The following PRPF19 variants were observed in gnomAD, a reference collection of about 807,000 sequenced individuals.
PRPF19 encodes the protein pre-mRNA processing factor 19.
Under a neutral mutation model 64.2 loss-of-function variants are expected in PRPF19, and 2 were observed. That is an observed-to-expected ratio of 0.03 (90% confidence interval 0.01 to 0.10). The LOEUF is 0.10. PRPF19 is among the 10% of genes least tolerant of loss of function. The pLI, the probability that PRPF19 is intolerant of heterozygous loss-of-function variation, is 1.00. For missense variants in PRPF19, 314 were observed against 650.0 expected, an observed-to-expected ratio of 0.48 and a Z score of 5.62; for synonymous variants, 226 against 251.6, an observed-to-expected ratio of 0.90 and a Z score of 0.96.
At chr11:60,895,799 T>C (rs951994581) in intron 15 of PRPF19, among the ~76,000 whole-genome samples, 2 of 151,838 alleles carry the variant, frequency 1.3e-5, no homozygotes, top group Admixed American at 6.6e-5. Flanking sequence ...AGTTTCAATA[T>C]TGTTGTGTCT....
chr11:60,903,727 G>C lies in PRPF19; in HGVS notation c.154C>G (p.Leu52Val). The C allele has an allele frequency of 6.3e-7, 1 of 1,596,566 alleles. No individual in the cohort carries two copies. Residue 52 changes from leucine to valine, a missense_variant, in exon 2 of 16, where the codon CTC (leucine) becomes GTC (valine). By Grantham distance (32) the Leu-to-Val change is conservative. This residue lies in a region of PRPF19 where 66 missense variants were observed against 88.4 expected (regional missense o/e 0.75). Transcript: ENST00000227524. Reference sequence around the variant, plus strand: ...CAATAGGCACCTTTGATGTCGATGAGCTGCTCCTCGGAGAGAGGCTGGTTG... The same window carrying C: ...CAATAGGCACCTTTGATGTCGATGACCTGCTCCTCGGAGAGAGGCTGGTTG... ...INNQPLSEEQ[L>V]IDIKVAHPIR...
In PRPF19 at chr11:60,906,400, C is replaced by A. The variant is rs775112535; in HGVS notation, c.-18G>T. ...AGGGACATGGCGCCGTCACCGTGCTCCGAGGCGCCACACGCCGGGCTCCGG... is the reference window on the plus strand; with the variant it reads ...AGGGACATGGCGCCGTCACCGTGCTACGAGGCGCCACACGCCGGGCTCCGG... On this transcript the variant is annotated 5_prime_UTR_variant, in exon 1 of 16. Transcript: ENST00000227524. 6.4e-7 allele frequency: 1 copy of A among 1,571,994 alleles called. No individual in the cohort carries two copies. Among genetic ancestry groups the A allele is most frequent in the Non-Finnish European group, 8.6e-7 (1 of 1,161,514 alleles).
At chr11:60,891,309 T>C (rs754912835) in intron 15 of PRPF19, 46 bp from the exon 16 acceptor site, 2 of 1,416,634 alleles carry the variant, frequency 1.4e-6, no homozygotes, top group Non-Finnish European at 2.0e-6. Context: ...TTTTCCTCCT[T>C]TAGTCTGAAC....
Position 60,898,773 on chromosome 11 carries a change from T to C in PRPF19, c.1054+89A>G. The C allele has an allele frequency of 6.6e-7, 1 of 1,506,810 alleles. No homozygotes were observed. The highest frequency in any genetic ancestry group is 8.9e-7 in the Non-Finnish European group (1 of 1,119,506). The allele number at this position is 1,506,810 out of a possible 1,614,324, so 93.3% of individuals were successfully genotyped here. A position where few individuals can be genotyped will look rare whatever the true frequency, so the allele number is the denominator to read the frequency against. Reference sequence around the variant, plus strand: ...ACAGGTGCTCATGGTAAATATATCTTTAGAACAAATAAACAAATGACTAAA... The same window carrying C: ...ACAGGTGCTCATGGTAAATATATCTCTAGAACAAATAAACAAATGACTAAA... On this transcript the variant is annotated intron_variant, in intron 12 of 15. Transcript: ENST00000227524. This position sits in a 1 kb window ranked among gnomAD's most constrained non-coding sequence, Gnocchi z 4.6.
Position 60,906,564 on chromosome 11 carries a change from C to T in PRPF19, c.-182G>A. The stretch of plus-strand genomic sequence containing the variant: ...GAATGGGGACAGCCGCGCGCCACAG[C>T]CTTCAGCACCTAACGGAAATTGCCC... On this transcript the variant is annotated 5_prime_UTR_variant, in exon 1 of 16. Coordinates refer to ENST00000227524, the MANE Select transcript of PRPF19 (RefSeq NM_014502.5). 3.5e-6 allele frequency: 2 copies of T among 573,918 alleles called. No individual in the cohort carries two copies. Among genetic ancestry groups the T allele is most frequent in the South Asian group, 2.3e-5 (1 of 43,918 alleles). 35.6% of individuals were successfully genotyped at this position (573,918 alleles called of 1,614,324 possible). A position where few individuals can be genotyped will look rare whatever the true frequency, so the allele number is the denominator to read the frequency against.
In PRPF19 at chr11:60,906,424, G is replaced by A. The variant is rs756418601; in HGVS notation, c.-42C>T. 9.7e-6 allele frequency: 15 copies of A among 1,538,478 alleles called. No individual in the cohort carries two copies. The East Asian group carries it at 3.2e-4, about 32-fold the overall frequency. ...TCCGAGGCGCCACACGCCGGGCTCC[G>A]GGACTAGCTTCTGAGCCTCCGCGAG... On this transcript the variant is annotated 5_prime_UTR_variant, in exon 1 of 16. Coordinates refer to ENST00000227524, the MANE Select transcript of PRPF19 (RefSeq NM_014502.5).
chr11:60,893,929 GT>G (rs1485446443), intron 15 of PRPF19, among the ~76,000 whole-genome samples: 9 of 152,304 alleles, frequency 5.9e-5, no homozygotes, highest in African/African-American at 1.7e-4. Flanking sequence ...AAAAAAAAAT[GT>G]TATGTTTACA....
At position 60,891,268 on chromosome 11, in the gene PRPF19, G is replaced by A; in HGVS notation, c.1418-5C>T. 2.5e-6 allele frequency: 4 copies of A among 1,611,376 alleles called. No individual in the cohort carries two copies. The South Asian group carries it at 4.4e-5, about 18-fold the overall frequency. On this transcript the variant is annotated splice_region_variant and splice_polypyrimidine_tract_variant and intron_variant, in intron 15 of 15. Coordinates refer to ENST00000227524, the MANE Select transcript of PRPF19 (RefSeq NM_014502.5). Reference sequence around the variant, plus strand: ...CTGTGGTCAGGCCGCTATGCTCTGAGGAGAAAGATAAGAGGCAACTGTGAG... The same window carrying A: ...CTGTGGTCAGGCCGCTATGCTCTGAAGAGAAAGATAAGAGGCAACTGTGAG...
At position 60,891,029 on chromosome 11, in the gene PRPF19, A is replaced by C; in HGVS notation, c.*137T>G. On this transcript the variant is annotated 3_prime_UTR_variant, in exon 16 of 16. Coordinates refer to ENST00000227524, the MANE Select transcript of PRPF19 (RefSeq NM_014502.5). ...CACCATGGTTCTCAGGCCACCACTC[A>C]GACCAGAGTGAAATGATGTGAATGT... The C allele has an allele frequency of 1.5e-6, 1 of 686,988 alleles. No homozygotes were observed. The highest frequency in any genetic ancestry group is 2.5e-6 in the Non-Finnish European group (1 of 399,172). 42.6% of individuals were successfully genotyped at this position (686,988 alleles called of 1,614,324 possible). A position where few individuals can be genotyped will look rare whatever the true frequency, so the allele number is the denominator to read the frequency against.
intron 15 of PRPF19, among the ~76,000 whole-genome samples, chr11:60,897,318 G>C (rs1356172057): frequency 6.6e-6 from 1 of 152,150 alleles, no homozygotes; most frequent in Non-Finnish European, 1.5e-5. Flanking sequence ...ACTATACTAA[G>C]GTTATAGCAA....
Position 60,906,366 on chromosome 11 carries a change from G to A in PRPF19, c.17C>T (p.Ser6Phe). The A allele has an allele frequency of 6.3e-7, 1 of 1,599,908 alleles. No individual in the cohort carries two copies. The highest frequency in any genetic ancestry group is 8.5e-7 in the Non-Finnish European group (1 of 1,174,910). ...GCTTGGCCGCAGCCAACACTCACTG[G>A]AGCAGATTAGGGACATGGCGCCGTC... The part of the protein sequence containing the change: MSLIC[S>F]ISNEVPEHPC... Residue 6 changes from serine to phenylalanine, a missense_variant and splice_region_variant, in exon 1 of 16, where the codon TCC (serine) becomes TTC (phenylalanine). Transcript: ENST00000227524.
In PRPF19 at chr11:60,898,971, T is replaced by G. The variant is rs1430359278; in HGVS notation, c.985-40A>C. On this transcript the variant is annotated intron_variant, in intron 11 of 15. Coordinates refer to ENST00000227524, the MANE Select transcript of PRPF19 (RefSeq NM_014502.5). The surrounding 1 kb of genome is among the most constrained non-coding windows in gnomAD (Gnocchi z 4.6). Reference sequence around the variant, plus strand: ...AGAGACAATGGAGTCAGTGAGAAAGTGGGTCCCAGGTTCTGGTGGCCCTTC... The same window carrying G: ...AGAGACAATGGAGTCAGTGAGAAAGGGGGTCCCAGGTTCTGGTGGCCCTTC... The G allele has an allele frequency of 1.3e-6, 2 of 1,548,918 alleles. No individual in the cohort carries two copies. Among genetic ancestry groups the G allele is most frequent in the Non-Finnish European group, 1.8e-6 (2 of 1,140,416 alleles).
intron 1 of PRPF19, among the ~76,000 whole-genome samples, chr11:60,904,659 G>A (rs941925803): frequency 1.3e-5 from 2 of 148,596 alleles, no homozygotes; most frequent in African/African-American, 4.9e-5. Flanking sequence ...AAAGGATACA[G>A]ATGAAGAGGA....
At chr11:60,896,056 CAT>C (rs1045367456) in intron 15 of PRPF19, among the ~76,000 whole-genome samples, 33 of 152,110 alleles carry the variant, frequency 2.2e-4, no homozygotes, top group African/African-American at 8.0e-4. Context: ...AAAGTGAACA[CAT>C]GTTGTTGGAA....
At chr11:60,905,203 T>C (rs1258133616) in intron 1 of PRPF19, among the ~76,000 whole-genome samples, 2 of 152,226 alleles carry the variant, frequency 1.3e-5, no homozygotes, top group African/African-American at 4.8e-5. Context: ...CCCTTGAGGA[T>C]AAGGATTACA....
At chr11:60,892,369 C>G (rs77423052) in intron 15 of PRPF19, among the ~76,000 whole-genome samples, 4,417 of 152,280 alleles carry the variant, frequency 0.029, 197 homozygotes, top group African/African-American at 0.1. Context: ...TCTATCCCAC[C>G]ACAGACTAAG....
Position 60,898,385 on chromosome 11 carries a change from C to A in PRPF19, c.1141-114G>T. On this transcript the variant is annotated intron_variant, in intron 13 of 15. Coordinates refer to ENST00000227524, the MANE Select transcript of PRPF19 (RefSeq NM_014502.5). The surrounding 1 kb of genome is among the most constrained non-coding windows in gnomAD (Gnocchi z 4.6). Reference sequence around the variant, plus strand: ...CTCACGTCCTTCCAGGAAGGACAGCCAGCGGGACCCCCCAGACCACACCAT... The same window carrying A: ...CTCACGTCCTTCCAGGAAGGACAGCAAGCGGGACCCCCCAGACCACACCAT... 2 of 1,509,956 alleles carry A rather than the reference C, an allele frequency of 1.3e-6. No homozygotes were observed. The highest frequency in any genetic ancestry group is 8.9e-7 in the Non-Finnish European group (1 of 1,119,752). The allele number at this position is 1,509,956 out of a possible 1,614,324, so 93.5% of individuals were successfully genotyped here.
In PRPF19 at chr11:60,891,008, A is replaced by C; in HGVS notation, c.*158T>G. 1.6e-6 allele frequency: 1 copy of C among 637,588 alleles called. No individual in the cohort carries two copies. The highest frequency in any genetic ancestry group is 2.8e-6 in the Non-Finnish European group (1 of 360,754). 39.5% of individuals were successfully genotyped at this position (637,588 alleles called of 1,614,324 possible). The stretch of plus-strand genomic sequence containing the variant: ...ATGGATGAGGGTGGTCCATGCCACC[A>C]TGGTTCTCAGGCCACCACTCAGACC... On this transcript the variant is annotated 3_prime_UTR_variant, in exon 16 of 16. Transcript: ENST00000227524.
chr11:60,903,234 C>G (rs941653567), intron 3 of PRPF19, among the ~76,000 whole-genome samples: 10 of 152,300 alleles, frequency 6.6e-5, no homozygotes, highest in Middle Eastern at 3.4e-3. Context: ...CTGTGCCAGA[C>G]AGTCCTGCAG....
Sources: gnomAD v4.1 joint callset for allele counts (sites outside exome capture counted in the v4.1 genomes callset) on GRCh38, gnomAD v4.1.1 for gene constraint, gnomAD v4.1.1 regional missense constraint, Gnocchi (gnomAD v3.1) non-coding constraint, MANE v1.5 for transcripts, NCBI Gene and HGNC (gene_info 2026-07-23, HGNC 2026-07-21) for gene names.